The following CCND1 variants were observed in gnomAD, a reference collection of about 807,000 sequenced individuals.
CCND1 encodes G1/S-specific cyclin-D1.
In CCND1, 9 loss-of-function variants were observed where a neutral mutation model predicts 26.1. That is an observed-to-expected ratio of 0.35 (90% CI 0.21 to 0.60). The LOEUF (loss-of-function observed/expected upper bound fraction) is 0.60, where lower values mean the gene tolerates loss of function less well. CCND1 is among the 20% of genes least tolerant of loss of function. CCND1 has a pLI of 0.79. For missense variants in CCND1, 335 were observed against 392.9 expected (o/e 0.85, Z 1.25); for synonymous variants, 194 against 166.1 (o/e 1.17, Z -1.29).
intron 1 of CCND1, among the ~76,000 whole-genome samples, chr11:69,641,739 G>A (rs1419561859): frequency 6.6e-6 from 1 of 152,050 alleles, no homozygotes; most frequent in Non-Finnish European, 1.5e-5. Flanking sequence ...GGGAGAAGGG[G>A]GTCCGGGAGG....
Position 69,643,591 on chromosome 11 carries a change from CAG to C in CCND1, c.415-238_415-237del, listed in dbSNP as rs1458503134. On this transcript the variant is annotated intron_variant, in intron 2 of 4. Coordinates refer to ENST00000227507, the MANE Select transcript of CCND1 (RefSeq NM_053056.3). ...TGGGAGGTCTTTTTGTTTCCACTTG[CAG>C]AGTCTTTTCACGCGGCGGGCGCCTT... 10 of 478,686 alleles carry C rather than the reference CAG, an allele frequency of 2.1e-5. No individual in the cohort carries two copies. In the Admixed American group the frequency reaches 2.5e-4, roughly 12 times the overall value. The allele number at this position is 478,686 out of a possible 1,614,324, so 29.7% of individuals were successfully genotyped here.
At chr11:69,650,708 T>C (rs1032148157) in intron 4 of CCND1, among the ~76,000 whole-genome samples, 8 of 152,022 alleles carry the variant, frequency 5.3e-5, no homozygotes, top group African/African-American at 1.9e-4. Context: ...CATGGAGAGG[T>C]TAAGTCTGAA....
rs765340180 is a variant in CCND1 at position 69,643,990 on chromosome 11, A to AGGTAGGGCAGGCCC, written c.574+2_574+15dup. 6.2e-7 allele frequency: 1 copy of AGGTAGGGCAGGCCC among 1,613,042 alleles called. No individual in the cohort carries two copies. The highest frequency in any genetic ancestry group is 8.5e-7 in the Non-Finnish European group (1 of 1,179,978). On this transcript the variant is annotated frameshift_variant and splice_region_variant, in exon 3 of 5. Transcript: ENST00000227507. LOFTEE classifies it high-confidence loss of function. ...AGACCTTCGTTGCCCTCTGTGCCAC[A>AGGTAGGGCAGGCCC]GGTAGGGCAGGCCCGGCAGCCCCCG...
Position 69,653,849 on chromosome 11 carries a change from T to C in CCND1, c.*2567T>C, listed in dbSNP as rs1220183742. On this transcript the variant is annotated 3_prime_UTR_variant, in exon 5 of 5. Transcript: ENST00000227507. ...CCTGTAGGACTCTCATTCGGGATGA[T>C]TGGAATAGCTTCTGGAATTTGTTCA... 4 of 360,010 alleles carry C rather than the reference T, an allele frequency of 1.1e-5. No individual in the cohort carries two copies. Among genetic ancestry groups the C allele is most frequent in the Non-Finnish European group, 1.5e-5 (3 of 199,002 alleles). 22.3% of individuals were successfully genotyped at this position (360,010 alleles called of 1,614,324 possible). A position where few individuals can be genotyped will look rare whatever the true frequency, so the allele number is the denominator to read the frequency against.
At position 69,651,881 on chromosome 11, in the gene CCND1, G is replaced by T. The variant is rs1855860450; in HGVS notation, c.*599G>T. The T allele has an allele frequency of 4.3e-6, 1 of 232,954 alleles. No homozygotes were observed. Among genetic ancestry groups the T allele is most frequent in the Admixed American group, 5.6e-5 (1 of 17,770 alleles). The allele number at this position is 232,954 out of a possible 1,614,324, so 14.4% of individuals were successfully genotyped here. A position where few individuals can be genotyped will look rare whatever the true frequency, so the allele number is the denominator to read the frequency against. The stretch of plus-strand genomic sequence containing the variant: ...GCATGTAGTCACTTTATAAGTCATT[G>T]TATGTTATTATATTCCGTAGGTAGA... On this transcript the variant is annotated 3_prime_UTR_variant, in exon 5 of 5. Coordinates refer to ENST00000227507, the MANE Select transcript of CCND1 (RefSeq NM_053056.3).
In CCND1 at chr11:69,643,847, C is replaced by T. The variant is rs753296773; in HGVS notation, c.430C>T (p.Leu144=). 4 of 1,610,380 alleles carry T rather than the reference C, an allele frequency of 2.5e-6. No individual in the cohort carries two copies. Among genetic ancestry groups the T allele is most frequent in the Non-Finnish European group, 3.4e-6 (4 of 1,177,448 alleles). Residue 144 remains leucine (L), a synonymous_variant, in exon 3 of 5, where the codon CTG becomes TTG. Transcript: ENST00000227507. ...PEELLQMELL[L]VNKLKWNLAA... ...GTGTTCGCAGCAAATGGAGCTGCTCCTGGTGAACAAGCTCAAGTGGAACCT... is the reference window on the plus strand; with the variant it reads ...GTGTTCGCAGCAAATGGAGCTGCTCTTGGTGAACAAGCTCAAGTGGAACCT...
chr11:69,642,988 G>A (rs775618118), intron 1 of CCND1, 43 bp from the exon 2 acceptor site: 11 of 1,434,714 alleles, frequency 7.7e-6, no homozygotes, highest in Non-Finnish European at 8.4e-6. Context: ...CGGGGGGGCG[G>A]CGCGACCTGG....
In CCND1 at chr11:69,651,340, G is replaced by A. The variant is rs2120121980; in HGVS notation, c.*58G>A. 1 of 1,377,882 alleles carries A rather than the reference G, an allele frequency of 7.3e-7. No individual in the cohort carries two copies. The highest frequency in any genetic ancestry group is 2.6e-4 in the Middle Eastern group (1 of 3,858). 85.4% of individuals were successfully genotyped at this position (1,377,882 alleles called of 1,614,324 possible). On this transcript the variant is annotated 3_prime_UTR_variant, in exon 5 of 5. Transcript: ENST00000227507. ...GCAGCGAGGGCGGAGCCGGCCCCAG[G>A]TGCTCCCCTGACAGTCCCTCCTCTC...
At position 69,653,939 on chromosome 11, in the gene CCND1, C is replaced by A; in HGVS notation, c.*2657C>A. On this transcript the variant is annotated 3_prime_UTR_variant, in exon 5 of 5. Coordinates refer to ENST00000227507, the MANE Select transcript of CCND1 (RefSeq NM_053056.3). ...GTTTGTTATTGTTTTGTTAATTACA[C>A]CATAATGCTAATTTAAAGAGACTCC... 1.8e-6 allele frequency: 1 copy of A among 558,746 alleles called. No individual in the cohort carries two copies. Among genetic ancestry groups the A allele is most frequent in the Non-Finnish European group, 3.2e-6 (1 of 313,888 alleles). 34.6% of individuals were successfully genotyped at this position (558,746 alleles called of 1,614,324 possible). A position where few individuals can be genotyped will look rare whatever the true frequency, so the allele number is the denominator to read the frequency against.
intron 4 of CCND1, among the ~76,000 whole-genome samples, chr11:69,650,160 C>T (rs917055243): frequency 1.3e-5 from 2 of 152,234 alleles, no homozygotes; most frequent in East Asian, 3.8e-4. Context: ...CCCAGCCCTG[C>T]TCCTTGTGGA....
chr11:69,646,284 G>A (rs925014986), intron 3 of CCND1, among the ~76,000 whole-genome samples: 1 of 152,238 alleles, frequency 6.6e-6, no homozygotes, highest in Admixed American at 6.5e-5. Context: ...AAGGGGAAAA[G>A]AGGTGGCTCG....
At chr11:69,641,603 C>T (rs1855701190) in intron 1 of CCND1, 92 bp downstream of exon 1, 1 of 1,238,072 alleles carries the variant, frequency 8.1e-7, no homozygotes, top group Admixed American at 1.8e-5. Flanking sequence ...CCCTTCTCTC[C>T]CGCTAGAACT....
At chr11:69,644,543 G>A (rs1038404433) in intron 3 of CCND1, among the ~76,000 whole-genome samples, 5 of 152,188 alleles carry the variant, frequency 3.3e-5, no homozygotes, top group Non-Finnish European at 7.4e-5. Flanking sequence ...CCTGCCAGGG[G>A]TGCCGGCAGC....
Position 69,654,441 on chromosome 11 carries a change from A to G in CCND1, c.*3159A>G, listed in dbSNP as rs1274707203. The G allele has an allele frequency of 8.9e-5, 60 of 673,700 alleles. No homozygotes were observed. In the East Asian group the frequency reaches 1.6e-3, roughly 18 times the overall value. 41.7% of individuals were successfully genotyped at this position (673,700 alleles called of 1,614,324 possible). A position where few individuals can be genotyped will look rare whatever the true frequency, so the allele number is the denominator to read the frequency against. On this transcript the variant is annotated 3_prime_UTR_variant, in exon 5 of 5. Transcript: ENST00000227507. The surrounding 1 kb of genome is among the most constrained non-coding windows in gnomAD (Gnocchi z 6.3). ...TCCAGCAGAAGACAAAAAGACAAACATGAAAGTCTAGAAATAAAACTGGTA... is the reference window on the plus strand; with the variant it reads ...TCCAGCAGAAGACAAAAAGACAAACGTGAAAGTCTAGAAATAAAACTGGTA...
intron 3 of CCND1, 178 bp from the exon 4 acceptor site, chr11:69,647,816 C>G (rs1278977937): frequency 4.6e-6 from 3 of 657,848 alleles, no homozygotes; most frequent in Non-Finnish European, 7.7e-6. Flanking sequence ...TCTTGCTCTC[C>G]GAGTGCCCAG....
chr11:69,648,249 G>C, intron 4 of CCND1, 107 bp downstream of exon 4: 1 of 1,367,338 alleles, frequency 7.3e-7, no homozygotes. Context: ...GGGTGACAAG[G>C]TTGGGGCTGG....
At chr11:69,648,284 C>G (rs1855811405) in intron 4 of CCND1, 142 bp downstream of exon 4, 5 of 832,532 alleles carry the variant, frequency 6.0e-6, no homozygotes, top group Non-Finnish European at 9.2e-6. Flanking sequence ...GACCCCAGGC[C>G]ACAGACTGAC....
rs1037944680 is a variant in CCND1, at chr11:69,643,231, G to C, written c.399G>C (p.Arg133=). 15 of 1,585,466 alleles carry C rather than the reference G, an allele frequency of 9.5e-6. No individual in the cohort carries two copies. The highest frequency in any genetic ancestry group is 1.3e-5 in the Non-Finnish European group (15 of 1,166,958). The change falls in exon 2 of 5, where the codon CGG becomes CGC. Residue 133 remains arginine (R), a synonymous_variant. Coordinates refer to ENST00000227507, the MANE Select transcript of CCND1 (RefSeq NM_053056.3). ...KLCIYTDNSI[R]PEELLQMELL... ...GCATCTACACCGACAACTCCATCCGGCCCGAGGAGCTGCTGGTAACCACTG... is the reference window on the plus strand; with the variant it reads ...GCATCTACACCGACAACTCCATCCGCCCCGAGGAGCTGCTGGTAACCACTG...
At position 69,651,172 on chromosome 11, in the gene CCND1, C is replaced by T. The variant is rs755986542; in HGVS notation, c.778C>T (p.Arg260Cys). Residue 260 changes from arginine (R) to cysteine (C), a missense_variant, in exon 5 of 5, where the codon CGC becomes TGC. Transcript: ENST00000227507. ...QIEALLESSL[R>C]QAQQNMDPKA... ...CGAAGCCCTGCTGGAGTCAAGCCTG[C>T]GCCAGGCCCAGCAGAACATGGACCC... 1.2e-5 allele frequency: 19 copies of T among 1,611,778 alleles called. No individual in the cohort carries two copies. Among genetic ancestry groups the T allele is most frequent in the East Asian group, 2.2e-5 (1 of 44,528 alleles).
Sources: allele counts gnomAD v4.1 joint callset (sites outside exome capture counted in the v4.1 genomes callset), GRCh38; gene constraint gnomAD v4.1.1; non-coding constraint Gnocchi (gnomAD v3.1); transcripts MANE v1.5; gene names NCBI Gene and HGNC (gene_info 2026-07-23, HGNC 2026-07-21).